KAZN: variants seen among roughly 807,000 people sequenced by gnomAD.
KAZN encodes the protein kazrin.
A neutral mutation model predicts 87.4 loss-of-function variants in KAZN; 40 were observed. The ratio of observed to expected loss-of-function variants is 0.46; its 90% confidence interval spans 0.36 to 0.60. KAZN has a LOEUF of 0.60. KAZN is among the 20% of genes least tolerant of loss of function. KAZN has a pLI of 0.00. For synonymous variants in KAZN, 466 were observed against 458.3 expected, an observed-to-expected ratio of 1.02 and a Z score of -0.22; for missense variants, 898 against 1,073.9, an observed-to-expected ratio of 0.84 and a Z score of 2.29.
chr1:14,987,948 G>C (rs1019933128), intron 2 of KAZN, among the ~76,000 whole-genome samples: 1 of 152,196 alleles, frequency 6.6e-6, no homozygotes, highest in African/African-American at 2.4e-5. Flanking sequence ...AAACAGAAGA[G>C]AGGAGAAAAT....
intron 1 of KAZN, among the ~76,000 whole-genome samples, chr1:14,924,908 C>T (rs1185855869): frequency 3.3e-5 from 5 of 152,152 alleles, no homozygotes; most frequent in Non-Finnish European, 5.9e-5. Context: ...CAGCCCTGCG[C>T]GAAGTTGGTT....
intron 2 of KAZN, among the ~76,000 whole-genome samples, chr1:14,248,346 A>G (rs928932114): frequency 6.6e-6 from 1 of 152,238 alleles, no homozygotes; most frequent in Non-Finnish European, 1.5e-5. Context: ...TTCACTAAAC[A>G]TATATTTGTT....
chr1:14,957,800 G>T (rs1477731060), intron 1 of KAZN, among the ~76,000 whole-genome samples: 1 of 152,262 alleles, frequency 6.6e-6, no homozygotes, highest in Non-Finnish European at 1.5e-5. Context: ...CAGGGCCAAA[G>T]AGGCAGCTAA....
At chr1:14,637,927 C>T (rs902761371) in intron 1 of KAZN, among the ~76,000 whole-genome samples, 4 of 152,108 alleles carry the variant, frequency 2.6e-5, no homozygotes, top group Non-Finnish European at 5.9e-5. Context: ...AGGGTTGGCT[C>T]ATTCTGGGAG....
intron 1 of KAZN, among the ~76,000 whole-genome samples, chr1:14,144,920 G>A (rs1310514629): frequency 1.3e-5 from 2 of 152,148 alleles, no homozygotes; most frequent in Non-Finnish European, 2.9e-5. Flanking sequence ...TGACCCAATA[G>A]CCTTCCATCA....
At chr1:14,685,397 C>G (rs1342364161) in intron 1 of KAZN, among the ~76,000 whole-genome samples, 1 of 152,182 alleles carries the variant, frequency 6.6e-6, no homozygotes, top group Non-Finnish European at 1.5e-5. Context: ...TGAGCTCCAG[C>G]AGGAGGGGAA....
intron 2 of KAZN, among the ~76,000 whole-genome samples, chr1:14,231,127 C>T (rs762320975): frequency 4.6e-5 from 7 of 152,194 alleles, no homozygotes; most frequent in Non-Finnish European, 1.0e-4. Context: ...CACTTCAGCT[C>T]ATACCCATAA....
At chr1:13,948,993 A>T (rs1377007564) in intron 1 of KAZN, among the ~76,000 whole-genome samples, 1 of 152,162 alleles carries the variant, frequency 6.6e-6, no homozygotes, top group Admixed American at 6.5e-5. Context: ...CGCCTCTCTG[A>T]CGTACCCAGC....
intron 1 of KAZN, among the ~76,000 whole-genome samples, chr1:14,050,109 C>T (rs1642253769): frequency 1.1e-5 from 1 of 92,154 alleles, no homozygotes; most frequent in South Asian, 2.6e-4. Context: ...TGTATGTGCA[C>T]ATGTGTGTGG....
chr1:14,708,742 T>C (rs1642341160), intron 1 of KAZN, among the ~76,000 whole-genome samples: 1 of 152,206 alleles, frequency 6.6e-6, no homozygotes, highest in Admixed American at 6.5e-5. Flanking sequence ...GGCATCTCTT[T>C]TTGCTTGAGT....
chr1:14,434,133 A>C (rs912779383), intron 2 of KAZN, among the ~76,000 whole-genome samples: 3 of 152,162 alleles, frequency 2.0e-5, no homozygotes, highest in Non-Finnish European at 2.9e-5. Flanking sequence ...TTTTATTTTC[A>C]ATCCATTGCA....
chr1:14,293,980 G>T (rs939725643), intron 2 of KAZN, among the ~76,000 whole-genome samples: 3 of 152,096 alleles, frequency 2.0e-5, no homozygotes, highest in African/African-American at 7.2e-5. Flanking sequence ...TACTCACTCT[G>T]CCTGATAGGG....
At chr1:14,351,809 G>A (rs928575906) in intron 2 of KAZN, among the ~76,000 whole-genome samples, 4 of 152,150 alleles carry the variant, frequency 2.6e-5, no homozygotes, top group Non-Finnish European at 5.9e-5. Flanking sequence ...GTTGATCTGT[G>A]TACATCTTGT....
intron 1 of KAZN, among the ~76,000 whole-genome samples, chr1:14,038,397 C>T (rs1641651799): frequency 6.6e-6 from 1 of 152,016 alleles, no homozygotes. Flanking sequence ...ACAAAGGGAG[C>T]CCCCAGGTCA....
intron 1 of KAZN, chr1:14,180,393 T>C: frequency 1.3e-6 from 2 of 1,532,960 alleles, no homozygotes; most frequent in Non-Finnish European, 1.8e-6. Context: ...CTTTGAAAGT[T>C]ACCAGTTGTG....
chr1:14,736,242 G>A (rs1643893724), intron 1 of KAZN, among the ~76,000 whole-genome samples: 1 of 148,160 alleles, frequency 6.7e-6, no homozygotes, highest in Admixed American at 6.7e-5. Flanking sequence ...TGGGGCTCAT[G>A]TGGGACTCAA....
At position 13,980,012 on chromosome 1, in the gene KAZN, C is replaced by T. The variant is rs12563104; in HGVS notation, c.91+86256C>T. On this transcript the variant is annotated intron_variant, in intron 1 of 16. Transcript: ENST00000636203. The stretch of plus-strand genomic sequence containing the variant: ...AAAATAGCCACACAAGGCAGGAGGT[C>T]CATAAATGCCTTTAAAGTGTTAGAC... 8.1e-3 allele frequency among the ~76,000 whole-genome samples: 1,236 copies of T among 151,818 alleles called. 90 individuals carry two copies. In the East Asian group the frequency reaches 0.14, roughly 18 times the overall value.
intron 1 of KAZN, among the ~76,000 whole-genome samples, chr1:14,686,472 G>A (rs939434806): frequency 3.3e-5 from 5 of 152,258 alleles, no homozygotes; most frequent in Non-Finnish European, 5.9e-5. Flanking sequence ...TCTCCAACTT[G>A]AGAGAATTCC....
chr1:14,375,027 C>G (rs1469235153), intron 2 of KAZN, among the ~76,000 whole-genome samples: 1 of 152,190 alleles, frequency 6.6e-6, no homozygotes. Context: ...CACAGACTTT[C>G]AGCTTGGCTT....
Sources: allele counts gnomAD v4.1 joint callset (sites outside exome capture counted in the v4.1 genomes callset), GRCh38; gene constraint gnomAD v4.1.1; transcripts MANE v1.5; gene names NCBI Gene and HGNC (gene_info 2026-07-23, HGNC 2026-07-21).